Variants in PTPRK observed in about 807,000 individuals in gnomAD.
PTPRK encodes the protein receptor-type tyrosine-protein phosphatase kappa.
A neutral mutation model predicts 178.0 loss-of-function variants in PTPRK; 75 were observed. The observed-to-expected ratio is 0.42, with a 90% CI of 0.35 to 0.51. The LOEUF (loss-of-function observed/expected upper bound fraction) is 0.51. PTPRK is among the 20% of genes least tolerant of loss of function. PTPRK has a pLI of 0.02. For missense variants in PTPRK, 1,441 were observed against 1,797.8 expected (o/e 0.80, Z 3.59); for synonymous variants, 637 against 620.6 (o/e 1.03, Z -0.39).
At chr6:128,248,075 T>C (rs1480515999) in intron 3 of PTPRK, among the ~76,000 whole-genome samples, 1 of 152,130 alleles carries the variant, frequency 6.6e-6, no homozygotes, top group Non-Finnish European at 1.5e-5. Flanking sequence ...ACGAATAAAA[T>C]AGGCATCTGT....
chr6:128,176,568 T>A (rs1025411994), intron 7 of PTPRK, among the ~76,000 whole-genome samples: 3 of 151,844 alleles, frequency 2.0e-5, no homozygotes, highest in African/African-American at 7.2e-5. Context: ...AGTTCATTTT[T>A]TACTGAGTTC....
chr6:128,425,512 T>C (rs967183735), intron 1 of PTPRK, among the ~76,000 whole-genome samples: 6 of 152,188 alleles, frequency 3.9e-5, no homozygotes, highest in Non-Finnish European at 7.4e-5. Flanking sequence ...GATGTTTTGT[T>C]TTCCATTCCT....
intron 1 of PTPRK, among the ~76,000 whole-genome samples, chr6:128,423,963 G>T (rs1423985824): frequency 6.6e-6 from 1 of 151,894 alleles, no homozygotes; most frequent in African/African-American, 2.4e-5. Context: ...GCTTACACCT[G>T]TAATCCCAGC....
At chr6:128,202,405 G>A (rs1470396094) in intron 6 of PTPRK, among the ~76,000 whole-genome samples, 1 of 152,172 alleles carries the variant, frequency 6.6e-6, no homozygotes, top group Non-Finnish European at 1.5e-5. Flanking sequence ...GCTGTGTGAT[G>A]TCCCAGCAGA....
At chr6:128,295,667 C>A (rs112411675) in intron 3 of PTPRK, among the ~76,000 whole-genome samples, 2 of 152,078 alleles carry the variant, frequency 1.3e-5, no homozygotes, top group African/African-American at 4.8e-5. Flanking sequence ...AGACCTAAAC[C>A]CTAATTCTAG....
At chr6:128,505,150 C>T (rs1562657971) in intron 1 of PTPRK, among the ~76,000 whole-genome samples, 1 of 148,356 alleles carries the variant, frequency 6.7e-6, no homozygotes, top group Non-Finnish European at 1.5e-5. Context: ...TGTCACCAGG[C>T]TGGAGTGCAG....
intron 2 of PTPRK, among the ~76,000 whole-genome samples, chr6:128,326,394 A>G (rs1829570363): frequency 1.3e-5 from 2 of 152,320 alleles, no homozygotes; most frequent in South Asian, 4.1e-4. Context: ...TGTATAAAAG[A>G]TACAGCTTTA....
intron 2 of PTPRK, among the ~76,000 whole-genome samples, chr6:128,368,957 A>G (rs1270856110): frequency 6.6e-6 from 1 of 151,968 alleles, no homozygotes; most frequent in Non-Finnish European, 1.5e-5. Flanking sequence ...AAACAAAAAA[A>G]AAAACACACA....
intron 1 of PTPRK, among the ~76,000 whole-genome samples, chr6:128,498,211 GAC>G (rs1334663065): frequency 6.6e-6 from 1 of 152,082 alleles, no homozygotes; most frequent in Non-Finnish European, 1.5e-5. Context: ...CCAAACTACG[GAC>G]AGTTTCCAGT....
chr6:128,208,847 A>T (rs1185773442), intron 6 of PTPRK, among the ~76,000 whole-genome samples: 1 of 152,138 alleles, frequency 6.6e-6, no homozygotes, highest in East Asian at 1.9e-4. Flanking sequence ...TTAAAACTGG[A>T]TATGTTCCTA....
intron 1 of PTPRK, among the ~76,000 whole-genome samples, chr6:128,489,684 T>G (rs1853485723): frequency 6.6e-6 from 1 of 152,232 alleles, no homozygotes; most frequent in South Asian, 2.1e-4. Flanking sequence ...TGTTCTTCAT[T>G]TAATTACCTC....
At chr6:128,405,191 T>C (rs1248622924) in intron 1 of PTPRK, among the ~76,000 whole-genome samples, 1 of 152,324 alleles carries the variant, frequency 6.6e-6, no homozygotes, top group East Asian at 1.9e-4. Context: ...ATAGGGTGAC[T>C]TAAGGCTGAA....
intron 2 of PTPRK, among the ~76,000 whole-genome samples, chr6:128,353,953 T>C (rs906938893): frequency 7.9e-5 from 12 of 152,100 alleles, no homozygotes; most frequent in African/African-American, 1.9e-4. Context: ...TAATGCAAAA[T>C]GTAAAATAAT....
chr6:128,428,460 C>T (rs1045511775), intron 1 of PTPRK, among the ~76,000 whole-genome samples: 3 of 152,020 alleles, frequency 2.0e-5, no homozygotes, highest in African/African-American at 7.2e-5. Context: ...GTAAAGACAA[C>T]GAGATGTTCA....
intron 7 of PTPRK, among the ~76,000 whole-genome samples, chr6:128,105,226 C>T (rs936403904): frequency 2.6e-5 from 4 of 152,132 alleles, no homozygotes; most frequent in Admixed American, 1.3e-4. Context: ...CTCCGCCTCC[C>T]GGGTTCGCGC....
At chr6:128,288,874 A>G (rs1445756585) in intron 3 of PTPRK, among the ~76,000 whole-genome samples, 2 of 152,206 alleles carry the variant, frequency 1.3e-5, no homozygotes, top group African/African-American at 4.8e-5. Context: ...TTTAAATTTA[A>G]AAGTATGAAA....
intron 1 of PTPRK, among the ~76,000 whole-genome samples, chr6:128,422,921 C>T (rs1843668105): frequency 6.6e-6 from 1 of 152,120 alleles, no homozygotes; most frequent in South Asian, 2.1e-4. Flanking sequence ...TAAACTCTTT[C>T]CATGAATAAA....
chr6:128,456,947 T>G (rs376328989), intron 1 of PTPRK, among the ~76,000 whole-genome samples: 3 of 152,142 alleles, frequency 2.0e-5, no homozygotes, highest in Admixed American at 1.3e-4. Flanking sequence ...TAAAGACTTA[T>G]GTTTCAATAA....
At chr6:128,479,365 C>T (rs9491963) in intron 1 of PTPRK, among the ~76,000 whole-genome samples, 2,633 of 152,156 alleles carry the variant, frequency 0.017, 84 homozygotes, top group African/African-American at 0.061. Context: ...TAGATCACTG[C>T]GAGCTTGCTT....
Sources: allele counts gnomAD v4.1 joint callset (sites outside exome capture counted in the v4.1 genomes callset), GRCh38; gene constraint gnomAD v4.1.1; transcripts MANE v1.5; gene names NCBI Gene and HGNC (gene_info 2026-07-23, HGNC 2026-07-21).